UBR4: variants seen among roughly 807,000 people sequenced by gnomAD.
UBR4 encodes the protein E3 ubiquitin-protein ligase UBR4.
A neutral mutation model predicts 575.6 loss-of-function variants in UBR4; 124 were observed. That is an observed-to-expected ratio of 0.22 (90% CI 0.19 to 0.25). UBR4 has a LOEUF of 0.25. Ranked by LOEUF, UBR4 falls within the 10% of genes least tolerant of loss-of-function variation. UBR4 has a pLI of 1.00. For synonymous variants in UBR4, 2,455 were observed against 2,473.7 expected (o/e 0.99, Z 0.22); for missense variants, 4,818 against 6,478.8 (o/e 0.74, Z 8.80).
intron 60 of UBR4, among the ~76,000 whole-genome samples, chr1:19,134,717 C>T (rs564079661): frequency 6.6e-6 from 1 of 151,744 alleles, no homozygotes; most frequent in East Asian, 1.9e-4. Flanking sequence ...CTTTAGACCT[C>T]CTCTGTGGAC....
chr1:19,114,715 C>T (rs2080290988), intron 75 of UBR4, 96 bp downstream of exon 75: 8 of 1,501,620 alleles, frequency 5.3e-6, no homozygotes, highest in African/African-American at 1.4e-5. Flanking sequence ...TCGAAGAAGG[C>T]TTAGGCTAGA....
rs892810951 is a variant in UBR4, at chr1:19,148,510, C to A, written c.7494+53G>T. 6 of 1,610,596 alleles carry A rather than the reference C, an allele frequency of 3.7e-6. 1 individual carries two copies. Among genetic ancestry groups the A allele is most frequent in the Non-Finnish European group, 5.1e-6 (6 of 1,176,834 alleles). ...GGCCTCAGGGCCTCGGGCAACTCCA[C>A]TGACTTCCTGCCTCTTCAGAAAGCT... On this transcript the variant is annotated intron_variant, in intron 50 of 105. Coordinates refer to ENST00000375254, the MANE Select transcript of UBR4 (RefSeq NM_020765.3).
At chr1:19,158,118 G>C in intron 39 of UBR4, 121 bp from the exon 40 acceptor site, 1 of 1,092,902 alleles carries the variant, frequency 9.1e-7, no homozygotes, top group Non-Finnish European at 1.3e-6. Context: ...CAGTGATTTC[G>C]GCCTCCAAAC....
At chr1:19,090,970 C>T (rs2077450402) in intron 97 of UBR4, among the ~76,000 whole-genome samples, 1 of 151,980 alleles carries the variant, frequency 6.6e-6, no homozygotes, top group African/African-American at 2.4e-5. Context: ...GTGGCAGGTG[C>T]CTTTAGTTCC....
chr1:19,083,394 T>C (rs1372622303), intron 102 of UBR4, among the ~76,000 whole-genome samples: 2 of 152,256 alleles, frequency 1.3e-5, no homozygotes, highest in Non-Finnish European at 2.9e-5. Flanking sequence ...CAGATTGTCC[T>C]GTTGCCTAAA....
At chr1:19,165,181 GA>G (rs2088121766) in intron 31 of UBR4, 67 bp downstream of exon 31, 1 of 1,502,320 alleles carries the variant, frequency 6.7e-7, no homozygotes, top group Admixed American at 1.7e-5. Context: ...AACTCAGGCA[GA>G]AGATATGCAC....
At position 19,176,695 on chromosome 1, in the gene UBR4, C is replaced by A; in HGVS notation, c.2670G>T (p.Gly890=). The change falls in exon 20 of 106, where the codon GGG becomes GGT. Residue 890 remains glycine (G), a synonymous_variant. Transcript: ENST00000375254. ...TGCTGTCCTGGGATCCACTTGCCCA[C>A]CCAAAGGGAGGACTTAGCAGGTTAT... ...VQHNLLSPPF[G]WASGSQDSNS... 1.2e-6 allele frequency: 2 copies of A among 1,614,080 alleles called. No individual in the cohort carries two copies. The highest frequency in any genetic ancestry group is 1.7e-6 in the Non-Finnish European group (2 of 1,180,004).
Position 19,179,101 on chromosome 1 carries a change from G to A in UBR4, c.2304C>T (p.Ala768=), listed in dbSNP as rs1186821323. The change falls in exon 18 of 106, where the codon GCC becomes GCT. Residue 768 remains alanine, a synonymous_variant. Coordinates refer to ENST00000375254, the MANE Select transcript of UBR4 (RefSeq NM_020765.3). ...GGACGTCAGGGTCACCTTGAGCACT[G>A]GCTTTATGTTGCCAGATGAGCAGGA... ...SRLLLIWQHK[A]SAQGDPDVPE... The A allele has an allele frequency of 6.2e-6, 10 of 1,613,964 alleles. No individual in the cohort carries two copies. The highest frequency in any genetic ancestry group is 1.6e-4 in the Middle Eastern group (1 of 6,078).
chr1:19,163,652 T>G, intron 34 of UBR4, 112 bp downstream of exon 34: 15 of 1,160,860 alleles, frequency 1.3e-5, no homozygotes, highest in Non-Finnish European at 1.8e-5. Context: ...GCCTTATCCT[T>G]GGTAGGCTAG....
intron 68 of UBR4, among the ~76,000 whole-genome samples, chr1:19,120,851 C>T (rs981476578): frequency 6.6e-6 from 1 of 152,230 alleles, no homozygotes; most frequent in African/African-American, 2.4e-5. Context: ...ATTTACTGAG[C>T]ATTTACCAAT....
Position 19,126,568 on chromosome 1 carries a change from G to A in UBR4, c.9316C>T (p.Leu3106=). 1 of 1,614,178 alleles carries A rather than the reference G, an allele frequency of 6.2e-7. No individual in the cohort carries two copies. The highest frequency in any genetic ancestry group is 8.5e-7 in the Non-Finnish European group (1 of 1,180,024). ...TTCTGTTGGCTCTTCCAATATTCCA[G>A]CAGTGATTTGAGCACGTGCAGGCAG... is the stretch of plus-strand genomic sequence containing the variant. The part of the protein sequence containing the change: ...DYCLHVLKSL[L]EYWKSQQNDE... The change falls in exon 64 of 106, where the codon CTG becomes TTG. Residue 3106 remains leucine (L), a synonymous_variant. Coordinates refer to ENST00000375254, the MANE Select transcript of UBR4 (RefSeq NM_020765.3).
Position 19,170,859 on chromosome 1 carries a change from A to G in UBR4, c.3546T>C (p.Asn1182=), listed in dbSNP as rs751003201. 32 of 1,614,082 alleles carry G rather than the reference A, an allele frequency of 2.0e-5. No homozygotes were observed. Among genetic ancestry groups the G allele is most frequent in the Admixed American group, 3.3e-5 (2 of 59,994 alleles). The change falls in exon 26 of 106, where the codon AAT becomes AAC. Residue 1182 remains asparagine, a synonymous_variant. Transcript: ENST00000375254. ...AAGGTTTCTCAGTTGTTCCCTCTTC[A>G]TTAAAGTTTTGCAGCAAATAGGCTC... The part of the protein sequence containing the change: ...FTRAYLLQNF[N]EEGTTEKPSK...
Position 19,084,776 on chromosome 1 carries a change from C to T in UBR4, c.14814-78G>A, listed in dbSNP as rs894792723. ...CCAGTTTGGGAGACAGAGCCTCCTT[C>T]CAGTACTCCCAGGCCTGATGGCTGC... is the stretch of plus-strand genomic sequence containing the variant. On this transcript the variant is annotated intron_variant, in intron 101 of 105. Transcript: ENST00000375254. The T allele has an allele frequency of 3.6e-6, 5 of 1,372,048 alleles. No individual in the cohort carries two copies. In the African/African-American group the frequency reaches 7.1e-5, roughly 20 times the overall value. The allele number at this position is 1,372,048 out of a possible 1,614,324, so 85.0% of individuals were successfully genotyped here. A position where few individuals can be genotyped will look rare whatever the true frequency, so the allele number is the denominator to read the frequency against.
At chr1:19,195,961 C>G (rs1045223854) in intron 8 of UBR4, among the ~76,000 whole-genome samples, 3 of 140,520 alleles carry the variant, frequency 2.1e-5, no homozygotes, top group African/African-American at 8.0e-5. Context: ...AACCTACAGA[C>G]TTACTTATAC....
chr1:19,128,094 C>T lies in UBR4; in HGVS notation c.9111+117G>A, dbSNP rs1428038752. On this transcript the variant is annotated intron_variant, in intron 62 of 105. Transcript: ENST00000375254. ...TTTTGTTGACTCAACAGAATGCAGC[C>T]CTCAGTGGATGGTTACCCCTTGAAA... 3.1e-6 allele frequency: 3 copies of T among 976,502 alleles called. No homozygotes were observed. In the African/African-American group the frequency reaches 4.8e-5, roughly 16 times the overall value. 60.5% of individuals were successfully genotyped at this position (976,502 alleles called of 1,614,324 possible). A position where few individuals can be genotyped will look rare whatever the true frequency, so the allele number is the denominator to read the frequency against.
chr1:19,148,217 A>AGCCCTGGT, intron 50 of UBR4, 90 bp from the exon 51 acceptor site: 1 of 1,471,784 alleles, frequency 6.8e-7, no homozygotes, highest in Non-Finnish European at 9.0e-7. Context: ...CCTTCCTTCT[A>AGCCCTGGT]GGCCACCAGG....
Position 19,119,665 on chromosome 1 carries a change from A to G in UBR4, c.10347T>C (p.Asp3449=). The G allele has an allele frequency of 6.2e-7, 1 of 1,613,402 alleles. No individual in the cohort carries two copies. Among genetic ancestry groups the G allele is most frequent in the Non-Finnish European group, 8.5e-7 (1 of 1,179,418 alleles). The change falls in exon 70 of 106, where the codon GAT becomes GAC. Residue 3449 remains aspartate, a synonymous_variant. Transcript: ENST00000375254. ...SSKSQQELLL[D]LMWSIWPELP... is the part of the protein sequence containing the mutation. ...GTTCTGGCCAGATGGACCACATCAG[A>G]TCTAGCAGGAGCTCCTGTTGAGATT...
rs1182303204 is a variant in UBR4, at chr1:19,148,021, G to A, written c.7601C>T (p.Thr2534Ile). 1.2e-6 allele frequency: 2 copies of A among 1,613,032 alleles called. No individual in the cohort carries two copies. Among genetic ancestry groups the A allele is most frequent in the Admixed American group, 3.3e-5 (2 of 60,018 alleles). Residue 2534 changes from threonine to isoleucine, a missense_variant, in exon 51 of 106, where the codon ACC becomes ATC. Around this residue, in one of 29 missense-constraint regions of UBR4, gnomAD observed 340 missense variants for 375.4 expected, o/e 0.91. Coordinates refer to ENST00000375254, the MANE Select transcript of UBR4 (RefSeq NM_020765.3). ...GTGGCTGTGGTAGGCCGAGCGGCTGGTGTGCAGGCTGGCCAGAAGGCTCTT... is the reference window on the plus strand; with the variant it reads ...GTGGCTGTGGTAGGCCGAGCGGCTGATGTGCAGGCTGGCCAGAAGGCTCTT... ...QSKSLLASLH[T>I]SRSAYHSHKD...
Position 19,146,823 on chromosome 1 carries a change from C to T in UBR4, c.7804+3G>A. On this transcript the variant is annotated splice_donor_region_variant and intron_variant, in intron 52 of 105. Transcript: ENST00000375254. ...GGACCACGGCCACAGAGGCCAAGTT[C>T]ACCTGTTTCCATCTGGGGCAGCTTT... is the stretch of plus-strand genomic sequence containing the variant. 6.2e-7 allele frequency: 1 copy of T among 1,611,880 alleles called. No individual in the cohort carries two copies.
Sources: allele counts gnomAD v4.1 joint callset (sites outside exome capture counted in the v4.1 genomes callset), GRCh38; gene constraint gnomAD v4.1.1; regional missense constraint gnomAD v4.1.1; transcripts MANE v1.5; gene names NCBI Gene and HGNC (gene_info 2026-07-23, HGNC 2026-07-21).